The following PARD3B variants were observed in gnomAD, a reference collection of about 807,000 sequenced individuals.
PARD3B encodes partitioning defective 3 homolog B.
Under a neutral mutation model 130.2 loss-of-function variants are expected in PARD3B, and 103 were observed. The observed-to-expected ratio is 0.79, with a 90% CI of 0.67 to 0.93. The LOEUF (loss-of-function observed/expected upper bound fraction) is 0.93, where lower values mean the gene tolerates loss of function less well. Among genes scored for constraint, PARD3B ranks in the 40% least tolerant of loss-of-function variants. PARD3B has a pLI of 0.00. For missense variants in PARD3B, 1,609 were observed against 1,499.2 expected, an observed-to-expected ratio of 1.07 and a Z score of -1.21; for synonymous variants, 583 against 553.2, an observed-to-expected ratio of 1.05 and a Z score of -0.76.
intron 15 of PARD3B, among the ~76,000 whole-genome samples, chr2:205,243,615 T>C (rs1245991122): frequency 6.6e-6 from 1 of 152,208 alleles, no homozygotes; most frequent in Non-Finnish European, 1.5e-5. Flanking sequence ...TAATAGCATA[T>C]ATTCAAATAA....
At chr2:205,216,758 TA>T (rs1208833718) in intron 15 of PARD3B, among the ~76,000 whole-genome samples, 1 of 152,166 alleles carries the variant, frequency 6.6e-6, no homozygotes, top group Non-Finnish European at 1.5e-5. Context: ...CTTTATCAGT[TA>T]AAATAGCATT....
At chr2:204,757,549 G>C (rs970524317) in intron 2 of PARD3B, among the ~76,000 whole-genome samples, 1 of 151,956 alleles carries the variant, frequency 6.6e-6, no homozygotes, top group African/African-American at 2.4e-5. Context: ...GCTGCTTGTA[G>C]GTCTTCTTTT....
Position 205,305,245 on chromosome 2 carries a change from A to G in PARD3B, c.2630+3544A>G, listed in dbSNP as rs72940401. Among the ~76,000 whole-genome samples, 601 of 152,222 alleles carry G rather than the reference A, an allele frequency of 3.9e-3. 2 individuals are homozygous for G. Among genetic ancestry groups the G allele is most frequent in the Middle Eastern group, 0.01 (3 of 292 alleles). On this transcript the variant is annotated intron_variant, in intron 18 of 22. Transcript: ENST00000406610. ...TTTGATTAGTTGCTGGGAATCTCCT[A>G]TATTTTGGGAAACTGACCCATTTCT... is the stretch of plus-strand genomic sequence containing the variant.
In PARD3B at chr2:204,588,953, TTC is replaced by T. The variant is rs541450566; in HGVS notation, c.120+42836_120+42837del. On this transcript the variant is annotated intron_variant, in intron 1 of 22. Transcript: ENST00000406610. ...TTTCAAGGTGGCTATGGCCTTGGTT[TTC>T]TTTCTTTCTCAAGCTCTTCAGGATG... 4.3e-4 allele frequency among the ~76,000 whole-genome samples: 65 copies of T among 152,206 alleles called. 1 individual carries two copies. The South Asian group carries it at 0.012, about 29-fold the overall frequency.
At chr2:205,004,257 A>G (rs576783895) in intron 3 of PARD3B, among the ~76,000 whole-genome samples, 4 of 152,284 alleles carry the variant, frequency 2.6e-5, no homozygotes, top group South Asian at 4.1e-4. Flanking sequence ...CACTCAGTGC[A>G]TTGTCAGTGC....
intron 1 of PARD3B, among the ~76,000 whole-genome samples, chr2:204,564,748 G>A (rs959627422): frequency 1.3e-5 from 2 of 152,074 alleles, no homozygotes; most frequent in Non-Finnish European, 2.9e-5. Flanking sequence ...TTGCAATGTT[G>A]TTTTGATTTA....
At chr2:205,523,505 T>A (rs928468933) in intron 21 of PARD3B, among the ~76,000 whole-genome samples, 3 of 152,054 alleles carry the variant, frequency 2.0e-5, no homozygotes, top group Non-Finnish European at 4.4e-5. Context: ...TCAGTCATAC[T>A]GGCTTTATAA....
At chr2:204,779,733 A>T (rs1021261653) in intron 2 of PARD3B, among the ~76,000 whole-genome samples, 3 of 152,180 alleles carry the variant, frequency 2.0e-5, no homozygotes, top group Admixed American at 2.0e-4. Flanking sequence ...GGTAGAGTGG[A>T]TGGTATTCGA....
rs2046373662 is a variant in PARD3B, at chr2:205,405,068, C to A, written c.2741+3945C>A. Among the ~76,000 whole-genome samples the A allele has an allele frequency of 6.6e-6, 1 of 152,012 alleles. No individual in the cohort carries two copies. On this transcript the variant is annotated intron_variant, in intron 19 of 22. Coordinates refer to ENST00000406610, the MANE Select transcript of PARD3B (RefSeq NM_001302769.2). The surrounding 1 kb of genome is among the most constrained non-coding windows in gnomAD (Gnocchi z 4.1). ...ACATATCTAATTCCTGATCCGAAAC[C>A]ATTTTGCTGCTATATATGGATAGTT...
chr2:205,391,247 AGG>A (rs753891617), intron 18 of PARD3B, among the ~76,000 whole-genome samples: 123 of 152,366 alleles, frequency 8.1e-4, no homozygotes, highest in Non-Finnish European at 1.5e-3. Flanking sequence ...AAGAGGAAGA[AGG>A]GGATGTTGTG....
intron 21 of PARD3B, among the ~76,000 whole-genome samples, chr2:205,501,547 G>A (rs973465884): frequency 1.3e-5 from 2 of 152,136 alleles, no homozygotes; most frequent in Non-Finnish European, 1.5e-5. Context: ...CAGCTCCCTC[G>A]ATAAGCCAAA....
At chr2:204,743,351 G>A (rs909490341) in intron 2 of PARD3B, among the ~76,000 whole-genome samples, 4 of 151,904 alleles carry the variant, frequency 2.6e-5, no homozygotes, top group African/African-American at 9.7e-5. Flanking sequence ...TTTTAAAGTT[G>A]ATCTTTATTT....
At chr2:204,578,709 C>T (rs529734033) in intron 1 of PARD3B, among the ~76,000 whole-genome samples, 7 of 152,192 alleles carry the variant, frequency 4.6e-5, no homozygotes, top group South Asian at 2.1e-4. Context: ...CTTTGAAGTC[C>T]GGCCTATTCC....
At chr2:204,929,462 G>A (rs1373613565) in intron 2 of PARD3B, among the ~76,000 whole-genome samples, 3 of 152,166 alleles carry the variant, frequency 2.0e-5, no homozygotes, top group South Asian at 2.1e-4. Flanking sequence ...TTTGTAAATT[G>A]ATAACAAAAT....
Position 204,663,923 on chromosome 2 carries a change from C to T in PARD3B, c.121-22258C>T, listed in dbSNP as rs558986004. Among the ~76,000 whole-genome samples, 6 of 152,288 alleles carry T rather than the reference C, an allele frequency of 3.9e-5. No homozygotes were observed. In the South Asian group the frequency reaches 8.3e-4, roughly 21 times the overall value. ...GTGGTGTTTTTGGCATGTGTGCATT[C>T]GCTGAAGTTGTAAAACACATTTTTT... On this transcript the variant is annotated intron_variant, in intron 1 of 22. Transcript: ENST00000406610.
chr2:205,198,086 G>C (rs970098536), intron 15 of PARD3B, among the ~76,000 whole-genome samples: 2 of 152,202 alleles, frequency 1.3e-5, no homozygotes, highest in Non-Finnish European at 2.9e-5. Flanking sequence ...ACTTCAGTTT[G>C]TTGGCCCCCT....
chr2:204,629,494 C>T (rs2034606537), intron 1 of PARD3B, among the ~76,000 whole-genome samples: 1 of 152,152 alleles, frequency 6.6e-6, no homozygotes, highest in African/African-American at 2.4e-5. Context: ...ATTACTGCTT[C>T]CATTTCTTCA....
chr2:204,804,990 T>C (rs913212246), intron 2 of PARD3B, among the ~76,000 whole-genome samples: 2 of 151,968 alleles, frequency 1.3e-5, no homozygotes, highest in African/African-American at 2.4e-5. Context: ...GAGAAAAGTC[T>C]ACAGCCATCT....
chr2:205,185,904 G>A, intron 14 of PARD3B, 41 bp downstream of exon 14: 1 of 1,515,572 alleles, frequency 6.6e-7, no homozygotes, highest in Non-Finnish European at 9.2e-7. Context: ...CCTTGTTATT[G>A]TTTTTCTGGG....
Sources: gnomAD v4.1 joint callset for allele counts (sites outside exome capture counted in the v4.1 genomes callset) on GRCh38, gnomAD v4.1.1 for gene constraint, Gnocchi (gnomAD v3.1) non-coding constraint, MANE v1.5 for transcripts, NCBI Gene and HGNC (gene_info 2026-07-23, HGNC 2026-07-21) for gene names.